Variants in ABCB1 observed in about 807,000 individuals in gnomAD.
The protein encoded by ABCB1 is ATP-dependent translocase ABCB1.
A neutral mutation model predicts 142.0 loss-of-function variants in ABCB1; 69 were observed. The ratio of observed to expected loss-of-function variants is 0.49; its 90% CI spans 0.40 to 0.59. The LOEUF (loss-of-function observed/expected upper bound fraction) is 0.59. Ranked by LOEUF, ABCB1 falls within the 20% of genes least tolerant of loss-of-function variation. The pLI is 0.00. For missense variants in ABCB1, 1,326 were observed against 1,554.7 expected, an observed-to-expected ratio of 0.85 and a Z score of 2.47; for synonymous variants, 532 against 539.2, an observed-to-expected ratio of 0.99 and a Z score of 0.18.
intron 4 of ABCB1, among the ~76,000 whole-genome samples, chr7:87,578,281 G>A (rs919416559): frequency 3.3e-5 from 5 of 152,200 alleles, no homozygotes; most frequent in Admixed American, 6.5e-5. Context: ...TGGTCTATGT[G>A]TCTCTTTTCT....
chr7:87,644,489 T>A (rs1196699290), intron 1 of ABCB1, among the ~76,000 whole-genome samples: 1 of 152,216 alleles, frequency 6.6e-6, no homozygotes, highest in African/African-American at 2.4e-5. Flanking sequence ...GATACTTACG[T>A]TCTATTAAAA....
chr7:87,565,952 A>C, intron 7 of ABCB1, 118 bp downstream of exon 7: 1 of 1,177,948 alleles, frequency 8.5e-7, no homozygotes, highest in Non-Finnish European at 1.2e-6. Flanking sequence ...TGAACAGAAA[A>C]CGTAAAAGTA....
At chr7:87,551,774 C>T (rs1456736847) in intron 9 of ABCB1, among the ~76,000 whole-genome samples, 2 of 151,872 alleles carry the variant, frequency 1.3e-5, no homozygotes, top group African/African-American at 4.8e-5. Flanking sequence ...GCTCAATAAA[C>T]AATGATTTAA....
At chr7:87,601,596 C>T (rs565016520), upstream of ABCB1, among the ~76,000 whole-genome samples, 150 of 152,228 alleles carry the variant, frequency 9.9e-4, no homozygotes, top group Middle Eastern at 3.4e-3. Context: ...GTTGTAATTT[C>T]CTTCCATATT....
At chr7:87,693,862 G>T (rs377677883) in intron 1 of ABCB1, 10 of 1,586,194 alleles carry the variant, frequency 6.3e-6, no homozygotes, top group East Asian at 2.2e-5. Flanking sequence ...ATGATGGCAG[G>T]TTTCTTAAAT....
rs201202639 is a variant in ABCB1 at position 87,539,264 on chromosome 7, A to G, written c.2397+4T>C. On this transcript the variant is annotated splice_donor_region_variant and intron_variant, in intron 19 of 27. Transcript: ENST00000622132. ...TCCCAGGGCACAGCCCTCGATAGAC[A>G]TACCTGTCTGAGCATGGATCGGAAA... 14 of 1,613,804 alleles carry G rather than the reference A, an allele frequency of 8.7e-6. No homozygotes were observed. The South Asian group carries it at 8.8e-5, about 10-fold the overall frequency.
At position 87,546,015 on chromosome 7, in the gene ABCB1, C is replaced by A. The variant is rs780182297; in HGVS notation, c.1735G>T (p.Gly579Cys). 1 of 1,614,070 alleles carries A rather than the reference C, an allele frequency of 6.2e-7. No individual in the cohort carries two copies. Among genetic ancestry groups the A allele is most frequent in the South Asian group, 1.1e-5 (1 of 91,082 alleles). The change falls in exon 15 of 28, where the codon GGT becomes TGT. Residue 579 changes from glycine (G) to cysteine (C), a missense_variant. By Grantham distance (159) the Gly-to-Cys change is radical. Coordinates refer to ENST00000622132, the MANE Select transcript of ABCB1 (RefSeq NM_001348946.2). ...VQVALDKARK[G>C]RTTIVIAHRL... is the part of the protein sequence containing the mutation. The stretch of plus-strand genomic sequence containing the variant: ...TGAGCTATCACAATGGTGGTCCGAC[C>A]TTTTCTGGCCTAAAGAGAGAGAAAT...
chr7:87,654,405 T>C (rs1370981021), intron 1 of ABCB1, among the ~76,000 whole-genome samples: 1 of 152,006 alleles, frequency 6.6e-6, no homozygotes, highest in Non-Finnish European at 1.5e-5. Flanking sequence ...TAGAATAGAA[T>C]AGAGAACCCA....
chr7:87,645,896 T>A (rs971317020), intron 1 of ABCB1, among the ~76,000 whole-genome samples: 1 of 152,142 alleles, frequency 6.6e-6, no homozygotes, highest in Non-Finnish European at 1.5e-5. Flanking sequence ...TTGGGTTGTG[T>A]TGGAGGGAGG....
intron 1 of ABCB1, among the ~76,000 whole-genome samples, chr7:87,708,134 A>G (rs1829770184): frequency 6.6e-6 from 1 of 152,162 alleles, no homozygotes; most frequent in East Asian, 1.9e-4. Context: ...AAGTCAAAGT[A>G]GAAGGAAAGA....
chr7:87,707,211 G>A (rs1004957040), intron 1 of ABCB1, among the ~76,000 whole-genome samples: 2 of 151,986 alleles, frequency 1.3e-5, no homozygotes, highest in African/African-American at 4.8e-5. Context: ...GGCACATCAA[G>A]AAACAAGATT....
intron 1 of ABCB1, among the ~76,000 whole-genome samples, chr7:87,705,018 C>T (rs556891269): frequency 6.6e-6 from 1 of 152,202 alleles, no homozygotes; most frequent in Admixed American, 6.5e-5. Flanking sequence ...GAACAGTATA[C>T]AGTATACAAG....
intron 18 of ABCB1, among the ~76,000 whole-genome samples, chr7:87,540,720 G>A (rs373512597): frequency 6.6e-6 from 1 of 152,192 alleles, no homozygotes; most frequent in Non-Finnish European, 1.5e-5. Context: ...AAAGTGCTGG[G>A]ATTACAGGCA....
intron 20 of ABCB1, among the ~76,000 whole-genome samples, chr7:87,536,100 G>C (rs1816276206): frequency 6.6e-6 from 1 of 151,952 alleles, no homozygotes; most frequent in African/African-American, 2.4e-5. Flanking sequence ...TGTAACCATA[G>C]TGACTCTAAA....
At chr7:87,539,429 A>C in intron 18 of ABCB1, 84 bp from the exon 19 acceptor site, 1 of 1,391,814 alleles carries the variant, frequency 7.2e-7, no homozygotes, top group Non-Finnish European at 1.0e-6. Context: ...CTAAAGCAGG[A>C]GATCAGACAA....
intron 1 of ABCB1, among the ~76,000 whole-genome samples, chr7:87,694,851 T>C (rs1828359190): frequency 6.6e-6 from 1 of 152,216 alleles, no homozygotes; most frequent in South Asian, 2.1e-4. Flanking sequence ...AGATTTTTGC[T>C]GAACCTGTTC....
chr7:87,614,724 T>C (rs185172424), intron 1 of ABCB1, among the ~76,000 whole-genome samples: 153 of 152,360 alleles, frequency 1.0e-3, no homozygotes, highest in Middle Eastern at 3.4e-3. Context: ...TTACATTGTT[T>C]CCTGTCTCTC....
intron 1 of ABCB1, among the ~76,000 whole-genome samples, chr7:87,600,511 C>A (rs1563070513): frequency 6.6e-6 from 1 of 152,196 alleles, no homozygotes; most frequent in African/African-American, 2.4e-5. Flanking sequence ...GAGAGCAGGT[C>A]CCCGCACCGC....
chr7:87,676,523 G>A (rs570235833), intron 1 of ABCB1, among the ~76,000 whole-genome samples: 7 of 151,774 alleles, frequency 4.6e-5, no homozygotes, highest in Non-Finnish European at 1.0e-4. Flanking sequence ...GGCCAACATG[G>A]TGAAACCCCA....
Sources: gnomAD v4.1 joint callset for allele counts (sites outside exome capture counted in the v4.1 genomes callset) on GRCh38, gnomAD v4.1.1 for gene constraint, MANE v1.5 for transcripts, NCBI Gene and HGNC (gene_info 2026-07-23, HGNC 2026-07-21) for gene names.